The following CAV1 variants were observed in gnomAD, a reference collection of about 807,000 sequenced individuals.
CAV1 encodes caveolin-1.
In CAV1, 10 loss-of-function variants were observed where a neutral mutation model predicts 16.5. That is an observed-to-expected ratio of 0.61 (90% CI 0.37 to 1.03). CAV1 has a LOEUF of 1.03. Among genes scored for constraint, CAV1 ranks in the 50% least tolerant of loss-of-function variants. CAV1 has a pLI of 0.01. For synonymous variants in CAV1, 76 were observed against 85.1 expected, an observed-to-expected ratio of 0.89 and a Z score of 0.59; for missense variants, 212 against 232.8, an observed-to-expected ratio of 0.91 and a Z score of 0.58.
intron 1 of CAV1, 89 bp downstream of exon 1, chr7:116,525,181 TGGCCCCA>T: frequency 6.2e-7 from 1 of 1,612,616 alleles, no homozygotes; most frequent in Non-Finnish European, 8.5e-7. Flanking sequence ...ACTGCTGCCC[TGGCCCCA>T]GCCCTCTCTC....
At chr7:116,530,423 G>A (rs1793665753) in intron 2 of CAV1, among the ~76,000 whole-genome samples, 1 of 152,126 alleles carries the variant, frequency 6.6e-6, no homozygotes, top group Admixed American at 6.5e-5. Context: ...AGTAAATACA[G>A]TAGTGTTGAA....
At chr7:116,554,745 A>G (rs1794227547) in intron 2 of CAV1, among the ~76,000 whole-genome samples, 1 of 152,188 alleles carries the variant, frequency 6.6e-6, no homozygotes. Flanking sequence ...AAAACATCCT[A>G]GATACTAGGT....
intron 2 of CAV1, among the ~76,000 whole-genome samples, chr7:116,539,641 TA>T (rs1296275963): frequency 1.3e-5 from 2 of 152,224 alleles, no homozygotes; most frequent in Non-Finnish European, 1.5e-5. Context: ...TGTGTATATT[TA>T]AAATATTTGT....
chr7:116,555,430 A>G (rs535467142), intron 2 of CAV1, among the ~76,000 whole-genome samples: 2 of 145,228 alleles, frequency 1.4e-5, no homozygotes, highest in East Asian at 4.1e-4. Flanking sequence ...CAGAGCAAGA[A>G]CCTGTCTCCA....
chr7:116,548,946 A>T (rs1038535313), intron 2 of CAV1, among the ~76,000 whole-genome samples: 1 of 152,226 alleles, frequency 6.6e-6, no homozygotes, highest in Non-Finnish European at 1.5e-5. Context: ...CCTGCAGTCC[A>T]TTAATGACAC....
intron 2 of CAV1, among the ~76,000 whole-genome samples, chr7:116,538,346 C>T (rs972190830): frequency 1.8e-4 from 28 of 152,126 alleles, no homozygotes; most frequent in African/African-American, 6.8e-4. Context: ...TACAAGGCAC[C>T]ATTAATCTCT....
intron 1 of CAV1, chr7:116,525,536 G>C (rs917133495): frequency 3.1e-5 from 38 of 1,226,790 alleles, no homozygotes; most frequent in Admixed American, 1.4e-4. Context: ...CGCCCAGACC[G>C]GCAGGTCCCG....
chr7:116,546,661 C>T (rs1179530655), intron 2 of CAV1, among the ~76,000 whole-genome samples: 1 of 135,074 alleles, frequency 7.4e-6, no homozygotes, highest in African/African-American at 2.9e-5. Flanking sequence ...CGCACCATTG[C>T]ACTTCAGACT....
chr7:116,534,387 A>ATTT (rs1196588254), intron 2 of CAV1, among the ~76,000 whole-genome samples: 10 of 9,246 alleles, frequency 1.1e-3, no homozygotes, highest in African/African-American at 2.3e-3. Context: ...ATATATATAT[A>ATTT]TATATATATT....
chr7:116,559,442 T>C lies in CAV1; in HGVS notation c.*155T>C, dbSNP rs1226658948. 2 of 647,358 alleles carry C rather than the reference T, an allele frequency of 3.1e-6. No homozygotes were observed. Among genetic ancestry groups the C allele is most frequent in the African/African-American group, 3.6e-5 (2 of 54,958 alleles). The allele number at this position is 647,358 out of a possible 1,614,324, so 40.1% of individuals were successfully genotyped here. The stretch of plus-strand genomic sequence containing the variant: ...ATCACTTTCTCAGTTTTCATAAGTA[T>C]TATGTCTCTTCTGAGCTATTTCATC... On this transcript the variant is annotated 3_prime_UTR_variant, in exon 3 of 3. Coordinates refer to ENST00000341049, the MANE Select transcript of CAV1 (RefSeq NM_001753.5).
At chr7:116,547,370 A>T (rs1161090536) in intron 2 of CAV1, among the ~76,000 whole-genome samples, 2 of 152,228 alleles carry the variant, frequency 1.3e-5, no homozygotes, top group African/African-American at 4.8e-5. Flanking sequence ...AAGAAGAGCA[A>T]AAGATGGAGA....
chr7:116,534,840 C>T (rs999443696), intron 2 of CAV1, among the ~76,000 whole-genome samples: 2 of 152,164 alleles, frequency 1.3e-5, no homozygotes, highest in African/African-American at 4.8e-5. Flanking sequence ...AAAAGATACA[C>T]ACCCTGGTTG....
At chr7:116,537,294 T>C (rs1793841035) in intron 2 of CAV1, among the ~76,000 whole-genome samples, 1 of 151,794 alleles carries the variant, frequency 6.6e-6, no homozygotes, top group Non-Finnish European at 1.5e-5. Flanking sequence ...TGATGAGATA[T>C]CCCCTTTAAA....
At chr7:116,545,442 A>G (rs1192834488) in intron 2 of CAV1, among the ~76,000 whole-genome samples, 3 of 152,232 alleles carry the variant, frequency 2.0e-5, no homozygotes, top group African/African-American at 7.2e-5. Flanking sequence ...ATCCTTGCCT[A>G]GATTTTGCAA....
chr7:116,540,557 A>G (rs1793914280), intron 2 of CAV1, among the ~76,000 whole-genome samples: 1 of 152,234 alleles, frequency 6.6e-6, no homozygotes, highest in South Asian at 2.1e-4. Flanking sequence ...GGTATCTAAC[A>G]TACAGCCAGA....
chr7:116,545,165 GA>G (rs1794015290), intron 2 of CAV1, among the ~76,000 whole-genome samples: 1 of 152,302 alleles, frequency 6.6e-6, no homozygotes, highest in East Asian at 1.9e-4. Flanking sequence ...CCTTCCAGGG[GA>G]TATTTGGCAT....
intron 2 of CAV1, among the ~76,000 whole-genome samples, chr7:116,546,533 T>TAA (rs536587642): frequency 8.0e-5 from 11 of 138,236 alleles, no homozygotes; most frequent in South Asian, 4.7e-4. Context: ...CTACTAAAAA[T>TAA]AAAAAAAAAA....
intron 2 of CAV1, among the ~76,000 whole-genome samples, chr7:116,530,208 C>CTCTTTTTTT (rs370865342): frequency 1.6e-5 from 2 of 125,360 alleles, no homozygotes; most frequent in Non-Finnish European, 3.2e-5. Flanking sequence ...GTCCTTTTTC[C>CTCTTTTTTT]TTTTTTTTTT....
intron 2 of CAV1, among the ~76,000 whole-genome samples, chr7:116,536,731 C>T (rs978467132): frequency 2.0e-5 from 3 of 152,152 alleles, no homozygotes; most frequent in Non-Finnish European, 4.4e-5. Flanking sequence ...AGGCCGGGCG[C>T]GGTGGCTCAC....
Sources: allele counts gnomAD v4.1 joint callset (sites outside exome capture counted in the v4.1 genomes callset), GRCh38; gene constraint gnomAD v4.1.1; transcripts MANE v1.5; gene names NCBI Gene and HGNC (gene_info 2026-07-23, HGNC 2026-07-21).